Variants in SNTG2 observed in about 807,000 individuals in gnomAD.
The protein encoded by SNTG2 is gamma-2-syntrophin.
SNTG2 carries 74 observed loss-of-function variants against 70.9 expected under a neutral mutation model. The observed-to-expected ratio is 1.04, with a 90% CI of 0.86 to 1.27. The LOEUF (loss-of-function observed/expected upper bound fraction) is 1.27. SNTG2 is among the 50% of genes most tolerant of loss of function. The pLI is 0.00. For synonymous variants in SNTG2, 278 were observed against 273.8 expected (o/e 1.02, Z -0.15); for missense variants, 717 against 690.7 (o/e 1.04, Z -0.43).
chr2:1,299,070 A>G (rs1455534865), intron 14 of SNTG2, among the ~76,000 whole-genome samples: 2 of 152,178 alleles, frequency 1.3e-5, no homozygotes, highest in African/African-American at 4.8e-5. Context: ...CTTGATATAT[A>G]TCTATCCCAT....
At chr2:1,092,252 AGAG>A (rs386642212) in intron 2 of SNTG2, among the ~76,000 whole-genome samples, 53,392 of 150,804 alleles carry the variant, frequency 0.35, 9,748 homozygotes, top group East Asian at 0.63. Context: ...TCAATTAGAG[AGAG>A]AAAAAAAAAC....
At chr2:1,280,552 C>T (rs910531738) in intron 14 of SNTG2, among the ~76,000 whole-genome samples, 2 of 152,224 alleles carry the variant, frequency 1.3e-5, no homozygotes, top group Non-Finnish European at 2.9e-5. Flanking sequence ...TTCTCCAGCT[C>T]CTCTCAGGAG....
At chr2:1,243,814 C>T (rs541012401) in intron 11 of SNTG2, among the ~76,000 whole-genome samples, 11 of 152,332 alleles carry the variant, frequency 7.2e-5, no homozygotes, top group African/African-American at 2.6e-4. Flanking sequence ...GATCAGGAGG[C>T]CAGGAGTTGA....
intron 9 of SNTG2, among the ~76,000 whole-genome samples, chr2:1,209,992 G>A (rs1472103046): frequency 6.6e-6 from 1 of 152,030 alleles, no homozygotes; most frequent in Non-Finnish European, 1.5e-5. Context: ...GGTGTGTGCG[G>A]TCTGTATGAA....
intron 12 of SNTG2, 137 bp from the exon 13 acceptor site, chr2:1,259,233 A>G (rs9330340): frequency 0.27 from 186,299 of 697,752 alleles, 27,150 homozygotes; most frequent in African/African-American, 0.45. Context: ...GTAAAGTTTA[A>G]TGTTACCAAT....
At chr2:991,777 CA>C (rs2147978463) in intron 1 of SNTG2, among the ~76,000 whole-genome samples, 1 of 152,256 alleles carries the variant, frequency 6.6e-6, no homozygotes, top group South Asian at 2.1e-4. Context: ...ATCCTGAGAC[CA>C]GGCAGCAGTG....
At chr2:1,223,713 T>C (rs182408654) in intron 9 of SNTG2, among the ~76,000 whole-genome samples, 69 of 151,606 alleles carry the variant, frequency 4.6e-4, no homozygotes, top group African/African-American at 1.6e-3. Flanking sequence ...GTGGAAAGAG[T>C]GGATGGAGAA....
At chr2:1,189,880 C>A (rs756526818) in intron 8 of SNTG2, among the ~76,000 whole-genome samples, 1 of 152,048 alleles carries the variant, frequency 6.6e-6, no homozygotes, top group South Asian at 2.1e-4. Context: ...CTTCATATAA[C>A]AGAGGGTGTC....
rs1558348070 is a variant in SNTG2, at chr2:1,056,278, GGC to G, written c.73-27239_73-27238del. Among the ~76,000 whole-genome samples the G allele has an allele frequency of 5.5e-4, 31 of 56,756 alleles. 5 individuals carry two copies. The highest frequency in any genetic ancestry group is 2.1e-3 in the African/African-American group (24 of 11,516). 37.2% of individuals were successfully genotyped at this position (56,756 alleles called of 152,430 possible). A position where few individuals can be genotyped will look rare whatever the true frequency, so the allele number is the denominator to read the frequency against. On this transcript the variant is annotated intron_variant, in intron 1 of 16. Coordinates refer to ENST00000308624, the MANE Select transcript of SNTG2 (RefSeq NM_018968.4). ...TGCTGTGGGGAGGGAGGGAGGGAGA[GGC>G]CGCGCCGTGCTGTGGGGAGGGAGGG... is the stretch of plus-strand genomic sequence containing the variant.
chr2:1,066,380 G>C (rs1188267292), intron 1 of SNTG2, among the ~76,000 whole-genome samples: 2 of 152,030 alleles, frequency 1.3e-5, no homozygotes, highest in East Asian at 1.9e-4. Flanking sequence ...TTGTTGTGAA[G>C]AAGAATTGGG....
intron 16 of SNTG2, among the ~76,000 whole-genome samples, chr2:1,337,381 A>G (rs1461951662): frequency 6.6e-6 from 1 of 152,206 alleles, no homozygotes; most frequent in Non-Finnish European, 1.5e-5. Context: ...AGTACTGGCC[A>G]TCCTAATGGA....
intron 6 of SNTG2, among the ~76,000 whole-genome samples, chr2:1,142,770 T>G (rs577886093): frequency 1.8e-4 from 27 of 152,194 alleles, no homozygotes; most frequent in Non-Finnish European, 3.7e-4. Context: ...ATCCAGAATC[T>G]CTAGTCATTG....
chr2:998,214 A>G (rs964043730), intron 1 of SNTG2, among the ~76,000 whole-genome samples: 1 of 152,216 alleles, frequency 6.6e-6, no homozygotes, highest in African/African-American at 2.4e-5. Flanking sequence ...CTAGTTGAGA[A>G]GGAACCAGAA....
intron 7 of SNTG2, 139 bp downstream of exon 7, chr2:1,165,774 G>A: frequency 1.4e-6 from 1 of 705,928 alleles, no homozygotes; most frequent in Non-Finnish European, 2.3e-6. Context: ...GTATAGGCAG[G>A]CACCGTGGCA....
At chr2:1,302,540 T>TAAAA (rs34803391) in intron 14 of SNTG2, among the ~76,000 whole-genome samples, 1 of 68,206 alleles carries the variant, frequency 1.5e-5, no homozygotes, top group Admixed American at 1.6e-4. Context: ...ATTGGAATGC[T>TAAAA]AAAAAAAAAA....
In SNTG2 at chr2:1,136,128, T is replaced by C. The variant is rs141151630; in HGVS notation, c.326-1494T>C. ...TGTAATTTCACATGGAATCCACATA[T>C]TCTGTGTGTACTTTCTTCTGTTAGC... On this transcript the variant is annotated intron_variant, in intron 4 of 16. Coordinates refer to ENST00000308624, the MANE Select transcript of SNTG2 (RefSeq NM_018968.4). Among the ~76,000 whole-genome samples, 662 of 152,324 alleles carry C rather than the reference T, an allele frequency of 4.3e-3. 5 individuals are homozygous for C. The highest frequency in any genetic ancestry group is 0.022 in the South Asian group (108 of 4,828).
At position 1,168,933 on chromosome 2, in the gene SNTG2, C is replaced by T. The variant is rs577511026; in HGVS notation, c.499+3298C>T. Among the ~76,000 whole-genome samples, 4 of 152,282 alleles carry T rather than the reference C, an allele frequency of 2.6e-5. 1 individual carries two copies. The highest frequency in any genetic ancestry group is 4.1e-4 in the South Asian group (2 of 4,826). ...AGGTTTAAGGGAGCGAAATGTCACA[C>T]GCGGCACAGTGGTGCACCCCTGGGG... On this transcript the variant is annotated intron_variant, in intron 7 of 16. Transcript: ENST00000308624.
At chr2:1,268,989 G>T (rs1489535019) in intron 14 of SNTG2, among the ~76,000 whole-genome samples, 3 of 152,220 alleles carry the variant, frequency 2.0e-5, no homozygotes, top group Admixed American at 6.5e-5. Context: ...TCATCTATGG[G>T]AAGGTGACAG....
At chr2:1,118,971 G>A (rs541282685) in intron 4 of SNTG2, among the ~76,000 whole-genome samples, 4 of 152,216 alleles carry the variant, frequency 2.6e-5, no homozygotes, top group South Asian at 2.1e-4. Context: ...ATCAAGGATC[G>A]TTTTAATCAA....
Sources: allele counts gnomAD v4.1 joint callset (sites outside exome capture counted in the v4.1 genomes callset), GRCh38; gene constraint gnomAD v4.1.1; transcripts MANE v1.5; gene names NCBI Gene and HGNC (gene_info 2026-07-23, HGNC 2026-07-21).